RFC1: variants seen among roughly 807,000 people sequenced by gnomAD.
RFC1 encodes the protein replication factor C subunit 1, also known as A1 140 kDa subunit.
A neutral mutation model predicts 137.4 loss-of-function variants in RFC1; 37 were observed. The ratio of observed to expected loss-of-function variants is 0.27; its 90% CI spans 0.21 to 0.35. The LOEUF (loss-of-function observed/expected upper bound fraction) is 0.35, where lower values mean the gene tolerates loss of function less well. RFC1 is among the 10% of genes least tolerant of loss of function. The pLI, the probability that RFC1 is intolerant of heterozygous loss-of-function variation, is 1.00. For missense variants in RFC1, 1,205 were observed against 1,358.5 expected (o/e 0.89, Z 1.78); for synonymous variants, 429 against 455.7 (o/e 0.94, Z 0.75).
rs1479716251 is a variant in RFC1 at position 39,306,792 on chromosome 4, T to TA, written c.1886-92dup. 9 of 730,500 alleles carry TA rather than the reference T, an allele frequency of 1.2e-5. No individual in the cohort carries two copies. The African/African-American group carries it at 1.4e-4, about 11-fold the overall frequency. 45.3% of individuals were successfully genotyped at this position (730,500 alleles called of 1,614,324 possible). A position where few individuals can be genotyped will look rare whatever the true frequency, so the allele number is the denominator to read the frequency against. On this transcript the variant is annotated intron_variant, in intron 13 of 24. Transcript: ENST00000349703. ...GAAATAGTTATGCCTAAACTTCACA[T>TA]AGACAGCTGTCCTCCAGTTTAGTTC...
intron 1 of RFC1, among the ~76,000 whole-genome samples, chr4:39,354,657 C>T (rs1196395418): frequency 6.7e-6 from 1 of 149,718 alleles, no homozygotes; most frequent in Non-Finnish European, 1.5e-5. Flanking sequence ...GTGGTGCACA[C>T]CTACAGTCCC....
chr4:39,353,397 C>CAAAAAAAAAAAAAAAAAAAA (rs11416030), intron 1 of RFC1, among the ~76,000 whole-genome samples: 1 of 63,514 alleles, frequency 1.6e-5, no homozygotes, highest in Non-Finnish European at 2.8e-5. Context: ...GAGACTGTCT[C>CAAAAAAAAAAAAAAAAAAAA]AAAAAAAAAA....
At chr4:39,351,563 C>CA in intron 1 of RFC1, 87 bp from the exon 2 acceptor site, 1 of 1,184,296 alleles carries the variant, frequency 8.4e-7, no homozygotes, top group Non-Finnish European at 1.1e-6. Flanking sequence ...GCTTTATGTA[C>CA]ACACTGGGTT....
intron 23 of RFC1, among the ~76,000 whole-genome samples, chr4:39,290,626 C>A (rs1293306918): frequency 6.6e-6 from 1 of 151,914 alleles, no homozygotes; most frequent in Non-Finnish European, 1.5e-5. Context: ...ACCAGCCTGG[C>A]CAACATAGGG....
chr4:39,302,089 T>C (rs954073299), intron 19 of RFC1, among the ~76,000 whole-genome samples, 189 bp downstream of exon 19: 6 of 152,220 alleles, frequency 3.9e-5, no homozygotes, highest in African/African-American at 1.4e-4. Context: ...ATAATTGACA[T>C]TGACAATCTT....
intron 12 of RFC1, among the ~76,000 whole-genome samples, chr4:39,309,816 T>C (rs976909828): frequency 6.6e-6 from 1 of 152,244 alleles, no homozygotes; most frequent in Non-Finnish European, 1.5e-5. Flanking sequence ...GATTTTATAG[T>C]ATGTAATATC....
chr4:39,303,862 TTTAC>T (rs925968542), intron 15 of RFC1, among the ~76,000 whole-genome samples: 1 of 152,238 alleles, frequency 6.6e-6, no homozygotes, highest in African/African-American at 2.4e-5. Flanking sequence ...TATCACACAC[TTTAC>T]TTAATCACCA....
At chr4:39,346,846 C>T (rs970062763) in intron 2 of RFC1, among the ~76,000 whole-genome samples, 1 of 152,178 alleles carries the variant, frequency 6.6e-6, no homozygotes, top group Non-Finnish European at 1.5e-5. Flanking sequence ...GTAAACTTTA[C>T]CCAAATCTCT....
At chr4:39,326,118 T>C (rs1428679953) in intron 6 of RFC1, among the ~76,000 whole-genome samples, 1 of 152,150 alleles carries the variant, frequency 6.6e-6, no homozygotes. Flanking sequence ...GAGAATCACT[T>C]GATTCCCAGG....
At chr4:39,337,119 A>C (rs1370152825) in intron 4 of RFC1, among the ~76,000 whole-genome samples, 1 of 152,210 alleles carries the variant, frequency 6.6e-6, no homozygotes, top group African/African-American at 2.4e-5. Context: ...TCACGCCTAT[A>C]ATCCCAGCAC....
intron 2 of RFC1, among the ~76,000 whole-genome samples, chr4:39,348,456 A>AC (rs1741007117): frequency 7.9e-6 from 1 of 127,288 alleles, no homozygotes; most frequent in African/African-American, 2.6e-5. Context: ...AAAGAAAAGA[A>AC]AAGAAAAGAA....
At chr4:39,301,276 G>C (rs573606960) in intron 19 of RFC1, among the ~76,000 whole-genome samples, 1 of 152,294 alleles carries the variant, frequency 6.6e-6, no homozygotes, top group African/African-American at 2.4e-5. Flanking sequence ...GGGGTTGTAG[G>C]GAGGAAAGCG....
chr4:39,364,132 T>C (rs1350549705), intron 1 of RFC1, among the ~76,000 whole-genome samples: 1 of 149,432 alleles, frequency 6.7e-6, no homozygotes, highest in Non-Finnish European at 1.5e-5. Context: ...TCCCTTAAAA[T>C]GGTGTGTATA....
intron 18 of RFC1, 54 bp from the exon 19 acceptor site, chr4:39,302,430 C>G: frequency 6.6e-7 from 1 of 1,514,320 alleles, no homozygotes; most frequent in Non-Finnish European, 9.2e-7. Flanking sequence ...TGTTGCTCCC[C>G]ATCCCTACAA....
chr4:39,355,074 T>C (rs1578172091), intron 1 of RFC1, among the ~76,000 whole-genome samples: 1 of 93,364 alleles, frequency 1.1e-5, no homozygotes, highest in Non-Finnish European at 2.0e-5. Context: ...AGAGCGACAC[T>C]CATCTCAAAA....
At chr4:39,331,254 T>C (rs991362948) in intron 4 of RFC1, among the ~76,000 whole-genome samples, 1 of 152,232 alleles carries the variant, frequency 6.6e-6, no homozygotes, top group Non-Finnish European at 1.5e-5. Context: ...ATTGTACTTC[T>C]GGGCAAGAGG....
chr4:39,360,228 C>T (rs1429217169), intron 1 of RFC1, among the ~76,000 whole-genome samples: 3 of 151,396 alleles, frequency 2.0e-5, no homozygotes, highest in Admixed American at 6.6e-5. Context: ...CGGCCAGGTG[C>T]GGTGGCTCAC....
At chr4:39,308,129 G>A (rs749411889) in intron 13 of RFC1, among the ~76,000 whole-genome samples, 12 of 152,284 alleles carry the variant, frequency 7.9e-5, no homozygotes, top group Non-Finnish European at 1.3e-4. Context: ...TGCCCTGCAC[G>A]CATGCCTCTG....
intron 4 of RFC1, 51 bp downstream of exon 4, chr4:39,342,294 A>G: frequency 6.5e-7 from 1 of 1,537,762 alleles, no homozygotes; most frequent in Non-Finnish European, 8.8e-7. Context: ...CCAACAAAAA[A>G]CTCAAGAACA....
Sources: gnomAD v4.1 joint callset for allele counts (sites outside exome capture counted in the v4.1 genomes callset) on GRCh38, gnomAD v4.1.1 for gene constraint, MANE v1.5 for transcripts, NCBI Gene and HGNC (gene_info 2026-07-23, HGNC 2026-07-21) for gene names.